Variants in SLC22A3 observed in about 807,000 individuals in gnomAD.
SLC22A3 encodes EMT organic cation transporter 3.
In SLC22A3, 51 loss-of-function variants were observed where a neutral mutation model predicts 59.1. The ratio of observed to expected loss-of-function variants is 0.86; its 90% CI spans 0.69 to 1.09. The LOEUF (loss-of-function observed/expected upper bound fraction) is 1.09, where lower values mean the gene tolerates loss of function less well. Among genes scored for constraint, SLC22A3 ranks in the 50% least tolerant of loss-of-function variants. The pLI, the probability that SLC22A3 is intolerant of heterozygous loss-of-function variation, is 0.00. For missense variants in SLC22A3, 711 were observed against 726.3 expected (o/e 0.98, Z 0.24); for synonymous variants, 325 against 292.0 (o/e 1.11, Z -1.15).
At chr6:160,441,714 A>T (rs2114922656) in intron 7 of SLC22A3, among the ~76,000 whole-genome samples, 1 of 149,906 alleles carries the variant, frequency 6.7e-6, no homozygotes, top group Non-Finnish European at 1.5e-5. Context: ...CTAAAAAATT[A>T]TATATTCAGG....
At chr6:160,363,268 G>T (rs911855825) in intron 1 of SLC22A3, among the ~76,000 whole-genome samples, 25 of 152,226 alleles carry the variant, frequency 1.6e-4, no homozygotes, top group Non-Finnish European at 2.8e-4. Context: ...GTCGCAGCTG[G>T]CCCCTGCTGG....
At chr6:160,433,953 G>GA (rs1788249067) in intron 5 of SLC22A3, among the ~76,000 whole-genome samples, 1 of 152,138 alleles carries the variant, frequency 6.6e-6, no homozygotes, top group South Asian at 2.1e-4. Flanking sequence ...GAAAAGCAAA[G>GA]AAAAAAGTAT....
chr6:160,392,685 C>A lies in SLC22A3; in HGVS notation c.430-5294C>A, dbSNP rs148761829. On this transcript the variant is annotated intron_variant, in intron 1 of 10. Coordinates refer to ENST00000275300, the MANE Select transcript of SLC22A3 (RefSeq NM_021977.4). ...ATGTTAAAATTTTTTCATGGTGACC[C>A]AAATTAATAATGACATCCTTTTTCC... Among the ~76,000 whole-genome samples the A allele has an allele frequency of 1.6e-3, 247 of 152,266 alleles. 2 individuals carry two copies. The Middle Eastern group carries it at 0.02, about 13-fold the overall frequency.
chr6:160,393,829 A>C (rs1189706916), intron 1 of SLC22A3, among the ~76,000 whole-genome samples: 1 of 152,244 alleles, frequency 6.6e-6, no homozygotes, highest in African/African-American at 2.4e-5. Flanking sequence ...TCATCATTAC[A>C]ACTCAAATTA....
intron 5 of SLC22A3, among the ~76,000 whole-genome samples, chr6:160,416,068 G>A (rs1292236314): frequency 1.3e-5 from 2 of 152,156 alleles, no homozygotes; most frequent in East Asian, 3.9e-4. Context: ...AGTTCACATG[G>A]ATGTTACTCA....
At chr6:160,349,154 A>G in intron 1 of SLC22A3, 1 of 820,388 alleles carries the variant, frequency 1.2e-6, no homozygotes, top group Non-Finnish European at 1.5e-6. Flanking sequence ...CTCAGGAGTC[A>G]AAGACCCAGC....
At chr6:160,449,336 A>C (rs2114934022) in intron 10 of SLC22A3, among the ~76,000 whole-genome samples, 1 of 152,282 alleles carries the variant, frequency 6.6e-6, no homozygotes, top group Middle Eastern at 3.4e-3. Flanking sequence ...ACCAGCAAAA[A>C]TTTAAGGTAC....
At chr6:160,385,108 T>A (rs1386361940) in intron 1 of SLC22A3, among the ~76,000 whole-genome samples, 1 of 152,224 alleles carries the variant, frequency 6.6e-6, no homozygotes, top group Non-Finnish European at 1.5e-5. Context: ...CATGATTAAT[T>A]GCTCTCATTT....
chr6:160,443,818 G>T (rs2114926089), intron 9 of SLC22A3, 76 bp downstream of exon 9: 3 of 704,778 alleles, frequency 4.3e-6, no homozygotes, highest in South Asian at 2.8e-5. Context: ...ATAATTGTTA[G>T]GTTCAATAAT....
intron 5 of SLC22A3, among the ~76,000 whole-genome samples, chr6:160,428,740 C>T (rs188797279): frequency 2.0e-5 from 3 of 152,292 alleles, no homozygotes; most frequent in Admixed American, 2.0e-4. Context: ...TTATTTTTAA[C>T]TACTTTAATA....
rs755381838 is a variant in SLC22A3, at chr6:160,447,772, G to T, written c.1564G>T (p.Gly522Cys). 1.5e-5 allele frequency: 24 copies of T among 1,614,044 alleles called. No homozygotes were observed. Among genetic ancestry groups the T allele is most frequent in the Non-Finnish European group, 1.9e-5 (22 of 1,179,968 alleles). ...TGTGATGCTTTTGCCTGAAACCAAG[G>T]GTATTGCCTTGCCAGAGACAGTGGA... ...GLVMLLPETK[G>C]IALPETVDDV... Residue 522 changes from glycine (G) to cysteine (C), a missense_variant, in exon 10 of 11, where the codon GGT (glycine) becomes TGT (cysteine). Physicochemically the swap from Gly to Cys is radical, Grantham distance 159. Transcript: ENST00000275300.
chr6:160,433,876 C>T (rs1358463747), intron 5 of SLC22A3, among the ~76,000 whole-genome samples: 1 of 152,110 alleles, frequency 6.6e-6, no homozygotes, highest in South Asian at 2.1e-4. Flanking sequence ...GAAGTCATAG[C>T]TCTCAGCAGA....
Position 160,442,776 on chromosome 6 carries a change from G to A in SLC22A3, c.1304G>A (p.Arg435Lys). 6.2e-7 allele frequency: 1 copy of A among 1,613,560 alleles called. No homozygotes were observed. Among genetic ancestry groups the A allele is most frequent in the South Asian group, 1.1e-5 (1 of 91,072 alleles). Residue 435 changes from arginine (R) to lysine (K), a missense_variant, in exon 8 of 11, where the codon AGG becomes AAG. By Grantham distance (26) the Arg-to-Lys change is conservative (BLOSUM62 2). Coordinates refer to ENST00000275300, the MANE Select transcript of SLC22A3 (RefSeq NM_021977.4). ...GTGTTTGCAGGAATAGCATGGTTGA[G>A]GACCACAGTGGCTACATTGGGAAGA... ...AFLPEGIAWL[R>K]TTVATLGRLG...
chr6:160,429,297 AG>A (rs1374236993), intron 5 of SLC22A3, among the ~76,000 whole-genome samples: 2 of 152,322 alleles, frequency 1.3e-5, no homozygotes, highest in East Asian at 3.9e-4. Context: ...TATACTCAAG[AG>A]CAAATACGTT....
intron 5 of SLC22A3, among the ~76,000 whole-genome samples, chr6:160,414,374 G>A (rs1302832931): frequency 2.0e-5 from 3 of 152,188 alleles, no homozygotes; most frequent in Admixed American, 6.5e-5. Flanking sequence ...ATATAGGGAA[G>A]ACAAGACATA....
chr6:160,402,917 T>A (rs993444489), intron 2 of SLC22A3, among the ~76,000 whole-genome samples: 9 of 151,692 alleles, frequency 5.9e-5, no homozygotes, highest in Admixed American at 5.9e-4. Flanking sequence ...ATTTATAGCA[T>A]TGAATACATA....
chr6:160,349,097 CA>C, intron 1 of SLC22A3: 1 of 984,010 alleles, frequency 1.0e-6, no homozygotes. Flanking sequence ...CGGGTGTGAA[CA>C]AAAACTTTCT....
intron 1 of SLC22A3, 115 bp downstream of exon 1, chr6:160,348,963 G>T: frequency 6.6e-7 from 1 of 1,524,978 alleles, no homozygotes; most frequent in South Asian, 1.2e-5. Flanking sequence ...GACGGGGACC[G>T]GTCGGCTACC....
intron 1 of SLC22A3, among the ~76,000 whole-genome samples, chr6:160,379,188 T>C (rs1473058827): frequency 1.3e-5 from 2 of 152,190 alleles, no homozygotes; most frequent in Non-Finnish European, 2.9e-5. Flanking sequence ...TTTCCTTTCC[T>C]TGAAAGGGAT....
Sources: gnomAD v4.1 joint callset for allele counts (sites outside exome capture counted in the v4.1 genomes callset) on GRCh38, gnomAD v4.1.1 for gene constraint, MANE v1.5 for transcripts, NCBI Gene and HGNC (gene_info 2026-07-23, HGNC 2026-07-21) for gene names.